LSS: variants seen among roughly 807,000 people sequenced by gnomAD.
The protein encoded by LSS is lanosterol synthase, also known as 2,3-epoxysqualene-lanosterol cyclase.
LSS carries 90 observed loss-of-function variants against 110.3 expected under a neutral mutation model. The observed-to-expected ratio is 0.82, with a 90% CI of 0.69 to 0.97. The LOEUF (loss-of-function observed/expected upper bound fraction) is 0.97, where lower values mean the gene tolerates loss of function less well. Among genes scored for constraint, LSS ranks in the 50% least tolerant of loss-of-function variants. LSS has a pLI of 0.00. For synonymous variants in LSS, 433 were observed against 400.0 expected (o/e 1.08, Z -0.98); for missense variants, 927 against 990.0 (o/e 0.94, Z 0.85).
At chr21:46,202,650 G>A (rs552388826) in intron 17 of LSS, among the ~76,000 whole-genome samples, 2 of 152,268 alleles carry the variant, frequency 1.3e-5, no homozygotes, top group South Asian at 2.1e-4. Context: ...TGGGGAGGCC[G>A]AGGTGGGAGG....
At position 46,192,592 on chromosome 21, in the gene LSS, G is replaced by A. The variant is rs745753016; in HGVS notation, c.1989-633C>T. ...TGTATGTACATCTGTCTCCATGTAC[G>A]TATGTCTGTGTGGCACAGATGCGAT... On this transcript the variant is annotated intron_variant, in intron 20 of 21. Coordinates refer to ENST00000397728, the MANE Select transcript of LSS (RefSeq NM_002340.6). 3.5e-4 allele frequency: 102 copies of A among 294,332 alleles called. 2 individuals are homozygous for A. Among genetic ancestry groups the A allele is most frequent in the Middle Eastern group, 1.9e-3 (5 of 2,584 alleles). 18.2% of individuals were successfully genotyped at this position (294,332 alleles called of 1,614,324 possible).
At chr21:46,222,541 C>T in intron 4 of LSS, 89 bp downstream of exon 4, 1 of 1,194,376 alleles carries the variant, frequency 8.4e-7, no homozygotes, top group South Asian at 1.4e-5. Context: ...CTCCTAACCC[C>T]TGGCAGCTGC....
intron 8 of LSS, 63 bp from the exon 9 acceptor site, chr21:46,215,361 A>AGGCGT: frequency 4.3e-6 from 5 of 1,156,824 alleles, no homozygotes; most frequent in Non-Finnish European, 5.0e-6. Flanking sequence ...CTGGAGCTCC[A>AGGCGT]TGCACTGCAA....
rs1056043969 is a variant in LSS at position 46,188,683 on chromosome 21, C to T, written c.*2421G>A. ...TCCTCTTCGTGGAACAGGAAAAATA[C>T]ACTCCCTCTAAACAATGGATTGAAC... is the stretch of plus-strand genomic sequence containing the variant. On this transcript the variant is annotated 3_prime_UTR_variant, in exon 22 of 22. Coordinates refer to ENST00000397728, the MANE Select transcript of LSS (RefSeq NM_002340.6). 1 of 470,974 alleles carries T rather than the reference C, an allele frequency of 2.1e-6. No homozygotes were observed. The highest frequency in any genetic ancestry group is 1.5e-5 in the South Asian group (1 of 64,554). 29.2% of individuals were successfully genotyped at this position (470,974 alleles called of 1,614,324 possible). A position where few individuals can be genotyped will look rare whatever the true frequency, so the allele number is the denominator to read the frequency against.
intron 17 of LSS, among the ~76,000 whole-genome samples, chr21:46,203,484 C>T (rs1387688965): frequency 1.3e-5 from 2 of 152,182 alleles, no homozygotes; most frequent in East Asian, 1.9e-4. Flanking sequence ...CGAGGAGGGG[C>T]GACTTAGCTT....
rs2079760266 is a variant in LSS at position 46,188,460 on chromosome 21, T to C, written c.*2644A>G. ...GAATTCAAAAATCTTTCATGACTGA[T>C]TTTTAATCACACTGAGGCAAATATC... On this transcript the variant is annotated 3_prime_UTR_variant, in exon 22 of 22. Coordinates refer to ENST00000397728, the MANE Select transcript of LSS (RefSeq NM_002340.6). 10 of 287,402 alleles carry C rather than the reference T, an allele frequency of 3.5e-5. No homozygotes were observed. The highest frequency in any genetic ancestry group is 3.0e-4 in the South Asian group (9 of 30,108). 17.8% of individuals were successfully genotyped at this position (287,402 alleles called of 1,614,324 possible).
chr21:46,200,391 G>GA (rs532317082), intron 17 of LSS, among the ~76,000 whole-genome samples: 169 of 150,672 alleles, frequency 1.1e-3, no homozygotes, highest in African/African-American at 3.6e-3. Flanking sequence ...TCCCCACAAA[G>GA]AAAAAAAAAG....
intron 17 of LSS, among the ~76,000 whole-genome samples, chr21:46,199,419 C>G (rs117106063): frequency 6.6e-6 from 1 of 152,164 alleles, no homozygotes; most frequent in Non-Finnish European, 1.5e-5. Flanking sequence ...CTGGTGGAAA[C>G]GCAAATGGTG....
chr21:46,207,019 C>G (rs2080058730), intron 15 of LSS, among the ~76,000 whole-genome samples: 1 of 152,192 alleles, frequency 6.6e-6, no homozygotes, highest in Admixed American at 6.5e-5. Flanking sequence ...GACTTAGAAA[C>G]CAAGTCTGTG....
chr21:46,197,172 T>C (rs1257161376), intron 17 of LSS, among the ~76,000 whole-genome samples: 1 of 152,218 alleles, frequency 6.6e-6, no homozygotes, highest in African/African-American at 2.4e-5. Flanking sequence ...CAAATACAAA[T>C]AGTCAAAGTA....
intron 21 of LSS, 83 bp from the exon 22 acceptor site, chr21:46,191,318 C>T (rs2079812049): frequency 2.6e-6 from 4 of 1,532,300 alleles, no homozygotes; most frequent in South Asian, 1.2e-5. Flanking sequence ...TGGCTGTTGG[C>T]TTGGCTGGCT....
At chr21:46,226,750 TG>T (rs1369549377) in intron 3 of LSS, among the ~76,000 whole-genome samples, 2 of 152,168 alleles carry the variant, frequency 1.3e-5, no homozygotes, top group African/African-American at 4.8e-5. Flanking sequence ...ATTTCAAGTC[TG>T]GGACAAAATC....
At chr21:46,222,889 A>G (rs2080294875) in intron 3 of LSS, 151 bp from the exon 4 acceptor site, 2 of 641,922 alleles carry the variant, frequency 3.1e-6, no homozygotes, top group Non-Finnish European at 5.5e-6. Flanking sequence ...CCAGGCCCCC[A>G]TGGGGAACTT....
At position 46,216,750 on chromosome 21, in the gene LSS, T is replaced by C. The variant is rs2080212700; in HGVS notation, c.648-226A>G. Among the ~76,000 whole-genome samples the C allele has an allele frequency of 6.6e-6, 1 of 152,166 alleles. No homozygotes were observed. The highest frequency in any genetic ancestry group is 2.4e-5 in the African/African-American group (1 of 41,448). ...CTCCTAGTTCGGTCAGCATTTTGCA[T>C]CCTAAAACCAGGTGATGGAGCTCCT... On this transcript the variant is annotated intron_variant, in intron 6 of 21. Transcript: ENST00000397728. The surrounding 1 kb of genome is among the most constrained non-coding windows in gnomAD (Gnocchi z 4.2).
intron 10 of LSS, 92 bp downstream of exon 10, chr21:46,213,646 T>C (rs1328085794): frequency 2.1e-6 from 2 of 947,772 alleles, no homozygotes; most frequent in East Asian, 2.6e-5. Context: ...TATTCCCAGA[T>C]GGCACCGTGG....
intron 9 of LSS, 107 bp downstream of exon 9, chr21:46,215,073 C>T: frequency 1.1e-6 from 1 of 882,882 alleles, no homozygotes; most frequent in Non-Finnish European, 1.8e-6. Context: ...GGAGGTACAC[C>T]AGGCTCCAGG....
chr21:46,196,996 C>T (rs1293553509), intron 17 of LSS, among the ~76,000 whole-genome samples: 1 of 152,238 alleles, frequency 6.6e-6, no homozygotes, highest in African/African-American at 2.4e-5. Context: ...CAGGCGAGAC[C>T]CCGGTCCTGG....
At chr21:46,202,293 C>A (rs1454845147) in intron 17 of LSS, among the ~76,000 whole-genome samples, 11 of 142,814 alleles carry the variant, frequency 7.7e-5, no homozygotes, top group African/African-American at 2.8e-4. Flanking sequence ...ACTTGGGAGG[C>A]TGAGGCAGGA....
rs1007244911 is a variant in LSS, at chr21:46,209,653, T to C, written c.1195-28A>G. The C allele has an allele frequency of 5.0e-6, 8 of 1,595,410 alleles. No individual in the cohort carries two copies. Among genetic ancestry groups the C allele is most frequent in the Non-Finnish European group, 6.0e-6 (7 of 1,169,504 alleles). On this transcript the variant is annotated intron_variant, in intron 12 of 21. Coordinates refer to ENST00000397728, the MANE Select transcript of LSS (RefSeq NM_002340.6). The surrounding 1 kb of genome is among the most constrained non-coding windows in gnomAD (Gnocchi z 4.4). ...GGAAGAGACAGCAGGACAGAGAGGC[T>C]CAGCTGCCCTTGCACGGCCAGCATG... is the stretch of plus-strand genomic sequence containing the variant.
Sources: gnomAD v4.1 joint callset for allele counts (sites outside exome capture counted in the v4.1 genomes callset) on GRCh38, gnomAD v4.1.1 for gene constraint, Gnocchi (gnomAD v3.1) non-coding constraint, MANE v1.5 for transcripts, NCBI Gene and HGNC (gene_info 2026-07-23, HGNC 2026-07-21) for gene names.